STAC: variants seen among roughly 807,000 people sequenced by gnomAD.
The protein encoded by STAC is SH3 and cysteine rich domain, also known as SH3 and cysteine-rich domain-containing protein.
Under a neutral mutation model 48.8 loss-of-function variants are expected in STAC, and 43 were observed. The ratio of observed to expected loss-of-function variants is 0.88; its 90% CI spans 0.69 to 1.14. The LOEUF is 1.14. Ranked by LOEUF, STAC falls within the 50% of genes most tolerant of loss-of-function variation. The pLI is 0.00. For synonymous variants in STAC, 193 were observed against 179.5 expected (o/e 1.07, Z -0.60); for missense variants, 497 against 504.0 (o/e 0.99, Z 0.13).
At chr3:36,482,116 C>T (rs1311007602) in intron 2 of STAC, among the ~76,000 whole-genome samples, 1 of 152,194 alleles carries the variant, frequency 6.6e-6, no homozygotes, top group Non-Finnish European at 1.5e-5. Context: ...TACCATCTTA[C>T]TTTGGGATAT....
chr3:36,502,463 C>T (rs1478066316), intron 6 of STAC, among the ~76,000 whole-genome samples: 2 of 152,138 alleles, frequency 1.3e-5, no homozygotes, highest in Non-Finnish European at 2.9e-5. Context: ...AAATATTTTT[C>T]AGCAAAGTTT....
At chr3:36,487,587 A>G (rs889909428) in intron 5 of STAC, among the ~76,000 whole-genome samples, 2 of 152,212 alleles carry the variant, frequency 1.3e-5, no homozygotes, top group African/African-American at 4.8e-5. Flanking sequence ...CTTAGAATTC[A>G]CAACTTATTT....
chr3:36,528,362 G>A (rs1698985543), intron 8 of STAC, among the ~76,000 whole-genome samples: 2 of 151,866 alleles, frequency 1.3e-5, no homozygotes, highest in Non-Finnish European at 2.9e-5. Context: ...CCAGCTACTC[G>A]GGAGGCTGAG....
At chr3:36,511,088 C>A (rs1216627488) in intron 8 of STAC, among the ~76,000 whole-genome samples, 1 of 151,530 alleles carries the variant, frequency 6.6e-6, no homozygotes, top group African/African-American at 2.4e-5. Flanking sequence ...AATAGGTGAG[C>A]CTTGTGACCT....
chr3:36,435,166 C>G (rs34742417), intron 1 of STAC, among the ~76,000 whole-genome samples: 25,332 of 152,112 alleles, frequency 0.17, 2,297 homozygotes, highest in African/African-American at 0.23. Flanking sequence ...CGGTACATTA[C>G]TCTAGTCCAT....
intron 1 of STAC, among the ~76,000 whole-genome samples, chr3:36,386,738 C>G (rs1699624566): frequency 6.6e-6 from 1 of 152,050 alleles, no homozygotes; most frequent in African/African-American, 2.4e-5. Flanking sequence ...GCCTCTTTGT[C>G]TAACCTTCTA....
intron 2 of STAC, among the ~76,000 whole-genome samples, chr3:36,457,015 A>G (rs1230420765): frequency 6.6e-6 from 1 of 152,176 alleles, no homozygotes; most frequent in Non-Finnish European, 1.5e-5. Context: ...TATTTGCACT[A>G]CCTCATTGCC....
chr3:36,504,372 GCTTT>G lies in STAC; in HGVS notation c.767-18_767-15del. 3 of 1,609,568 alleles carry G rather than the reference GCTTT, an allele frequency of 1.9e-6. No homozygotes were observed. Among genetic ancestry groups the G allele is most frequent in the Non-Finnish European group, 2.5e-6 (3 of 1,176,554 alleles). On this transcript the variant is annotated splice_polypyrimidine_tract_variant and intron_variant, in intron 6 of 10. Coordinates refer to ENST00000273183, the MANE Select transcript of STAC (RefSeq NM_003149.3). ...TGGTAACTAGATTCATAGAGCACCT[GCTTT>G]CTCTTGTCTCCTTCAGTGTTTACAT...
At chr3:36,455,391 AGCCTTTTCCTGCCTGTGATATT>A (rs1240917277) in intron 2 of STAC, among the ~76,000 whole-genome samples, 2 of 152,202 alleles carry the variant, frequency 1.3e-5, no homozygotes, top group African/African-American at 4.8e-5. Context: ...GAAGCTGCAA[AGCCTTTTCCTGCCTGTGATATT>A]GCTGATTCCT....
At chr3:36,523,721 C>A (rs985192651) in intron 8 of STAC, among the ~76,000 whole-genome samples, 3 of 152,134 alleles carry the variant, frequency 2.0e-5, no homozygotes, top group Non-Finnish European at 4.4e-5. Context: ...CAACTGAGGG[C>A]AGAGTCATGG....
chr3:36,492,067 T>TATATATATATATATAA, intron 5 of STAC, among the ~76,000 whole-genome samples: 1 of 97,452 alleles, frequency 1.0e-5, no homozygotes, highest in Admixed American at 1.2e-4. Flanking sequence ...TATATATATA[T>TATATATATATATATAA]GTGACTGTCC....
intron 1 of STAC, among the ~76,000 whole-genome samples, chr3:36,441,297 C>T (rs113746379): frequency 0.016 from 2,381 of 152,138 alleles, 59 homozygotes; most frequent in African/African-American, 0.047. Context: ...TTAACTTCTA[C>T]GAGATCAACT....
chr3:36,455,086 A>G (rs1197206414), intron 2 of STAC, among the ~76,000 whole-genome samples: 1 of 152,198 alleles, frequency 6.6e-6, no homozygotes, highest in Non-Finnish European at 1.5e-5. Context: ...AGAGTGTCTG[A>G]TCATTTAAGG....
In STAC at chr3:36,482,981, G is replaced by C; in HGVS notation, c.389-11G>C. Reference sequence around the variant, plus strand: ...TTGTATCCTAACCAAAGTTTGCCATGTACCTGACAGGAACAAATGCTAAGC... The same window carrying C: ...TTGTATCCTAACCAAAGTTTGCCATCTACCTGACAGGAACAAATGCTAAGC... On this transcript the variant is annotated splice_polypyrimidine_tract_variant and intron_variant, in intron 2 of 10. Coordinates refer to ENST00000273183, the MANE Select transcript of STAC (RefSeq NM_003149.3). The C allele has an allele frequency of 6.2e-7, 1 of 1,610,084 alleles. No homozygotes were observed. Among genetic ancestry groups the C allele is most frequent in the Non-Finnish European group, 8.5e-7 (1 of 1,176,556 alleles).
At chr3:36,441,519 A>G (rs1175978832) in intron 1 of STAC, among the ~76,000 whole-genome samples, 2 of 152,118 alleles carry the variant, frequency 1.3e-5, no homozygotes, top group Non-Finnish European at 2.9e-5. Flanking sequence ...GATTGACTCC[A>G]TATCTTGGCT....
intron 2 of STAC, among the ~76,000 whole-genome samples, chr3:36,469,137 G>T (rs1358658153): frequency 1.3e-5 from 2 of 151,716 alleles, no homozygotes; most frequent in Non-Finnish European, 2.9e-5. Flanking sequence ...CGTGCTATTT[G>T]TTGACTGAAT....
intron 1 of STAC, among the ~76,000 whole-genome samples, chr3:36,425,118 G>C (rs1455843314): frequency 6.6e-6 from 1 of 152,114 alleles, no homozygotes; most frequent in Non-Finnish European, 1.5e-5. Flanking sequence ...TTTTTAAAAA[G>C]TCTTATAGTC....
intron 10 of STAC, among the ~76,000 whole-genome samples, chr3:36,542,913 A>G (rs569130654): frequency 6.6e-6 from 1 of 152,332 alleles, no homozygotes; most frequent in African/African-American, 2.4e-5. Flanking sequence ...GGTACTCAAT[A>G]AAGAGTTGTT....
At chr3:36,542,554 T>C (rs980702861) in intron 10 of STAC, among the ~76,000 whole-genome samples, 5 of 152,218 alleles carry the variant, frequency 3.3e-5, no homozygotes, top group Non-Finnish European at 7.3e-5. Flanking sequence ...AGTCTTATTT[T>C]CCTCCTTCCT....
Sources: allele counts gnomAD v4.1 joint callset (sites outside exome capture counted in the v4.1 genomes callset), GRCh38; gene constraint gnomAD v4.1.1; transcripts MANE v1.5; gene names NCBI Gene and HGNC (gene_info 2026-07-23, HGNC 2026-07-21).